The following STK31 variants were observed in gnomAD, a reference collection of about 807,000 sequenced individuals.
STK31 encodes the protein serine/threonine-protein kinase 31.
STK31 carries 89 observed loss-of-function variants against 129.7 expected under a neutral mutation model. The ratio of observed to expected loss-of-function variants is 0.69; its 90% CI spans 0.58 to 0.82. The LOEUF (loss-of-function observed/expected upper bound fraction) is 0.82, where lower values mean the gene tolerates loss of function less well. Ranked by LOEUF, STK31 falls within the 40% of genes least tolerant of loss-of-function variation. The pLI, the probability that STK31 is intolerant of heterozygous loss-of-function variation, is 0.00. For missense variants in STK31, 1,187 were observed against 1,176.4 expected (o/e 1.01, Z -0.13); for synonymous variants, 448 against 395.3 (o/e 1.13, Z -1.58).
At chr7:23,714,023 A>G (rs994526798) in intron 3 of STK31, among the ~76,000 whole-genome samples, 2 of 152,130 alleles carry the variant, frequency 1.3e-5, no homozygotes, top group Admixed American at 6.5e-5. Flanking sequence ...GCATTGTTCT[A>G]TGATGTTACA....
intron 22 of STK31, among the ~76,000 whole-genome samples, chr7:23,795,201 G>A (rs1791880554): frequency 6.6e-6 from 1 of 152,232 alleles, no homozygotes; most frequent in African/African-American, 2.4e-5. Flanking sequence ...TCCCCCTGCT[G>A]TGTGCAGCCT....
At chr7:23,780,547 AC>A (rs1220970229) in intron 15 of STK31, among the ~76,000 whole-genome samples, 1 of 152,174 alleles carries the variant, frequency 6.6e-6, no homozygotes. Context: ...ATCCTTGATC[AC>A]CTTTCAGCAA....
intron 15 of STK31, among the ~76,000 whole-genome samples, chr7:23,775,997 C>T (rs1321365525): frequency 1.3e-5 from 2 of 152,052 alleles, no homozygotes; most frequent in African/African-American, 4.8e-5. Flanking sequence ...TTTTGAGATG[C>T]ATTCCATCAG....
chr7:23,824,563 C>T (rs1793994410), intron 23 of STK31, among the ~76,000 whole-genome samples: 1 of 152,194 alleles, frequency 6.6e-6, no homozygotes, highest in African/African-American at 2.4e-5. Context: ...ATTGGACTTC[C>T]TCTTTTCCTA....
intron 6 of STK31, among the ~76,000 whole-genome samples, chr7:23,731,115 T>C (rs1360738320): frequency 1.3e-5 from 2 of 151,622 alleles, no homozygotes; most frequent in Non-Finnish European, 2.9e-5. Flanking sequence ...AACTCCTGAC[T>C]TCAAGAGATC....
rs762032548 is a variant in STK31, at chr7:23,771,115, C to T, written c.1824C>T (p.Asp608=). 6.2e-7 allele frequency: 1 copy of T among 1,604,984 alleles called. No homozygotes were observed. The change falls in exon 14 of 24, where the codon GAC becomes GAT. Residue 608 remains aspartate, a synonymous_variant. Transcript: ENST00000355870. Reference sequence around the variant, plus strand: ...CCACAGTACAAGCTAAGTACAAGGACAGTATTGAGGTTTGATTGTGCTTTC... The same window carrying T: ...CCACAGTACAAGCTAAGTACAAGGATAGTATTGAGGTTTGATTGTGCTTTC... ...LIATVQAKYK[D]SIEFKKQLIE...
At position 23,832,472 on chromosome 7, in the gene STK31, A is replaced by G. The variant is rs1794621933; in HGVS notation, c.*106A>G. 5 of 799,746 alleles carry G rather than the reference A, an allele frequency of 6.3e-6. No individual in the cohort carries two copies. In the East Asian group the frequency reaches 7.4e-5, roughly 12 times the overall value. The allele number at this position is 799,746 out of a possible 1,614,324, so 49.5% of individuals were successfully genotyped here. A position where few individuals can be genotyped will look rare whatever the true frequency, so the allele number is the denominator to read the frequency against. Reference sequence around the variant, plus strand: ...GGACTAGTTGAGTTGTATCTTTAGTATTCAGGTTGTGAAAAATAAAGATGT... The same window carrying G: ...GGACTAGTTGAGTTGTATCTTTAGTGTTCAGGTTGTGAAAAATAAAGATGT... On this transcript the variant is annotated 3_prime_UTR_variant, in exon 24 of 24. Coordinates refer to ENST00000355870, the MANE Select transcript of STK31 (RefSeq NM_031414.5).
At chr7:23,805,287 G>A (rs1792631803) in intron 22 of STK31, among the ~76,000 whole-genome samples, 1 of 152,038 alleles carries the variant, frequency 6.6e-6, no homozygotes, top group South Asian at 2.1e-4. Context: ...TCTTGCTCAG[G>A]CTGGTCTCGA....
chr7:23,776,580 T>C (rs1347956353), intron 15 of STK31, among the ~76,000 whole-genome samples: 4 of 152,324 alleles, frequency 2.6e-5, no homozygotes, highest in African/African-American at 7.2e-5. Context: ...TGTCCAGGAA[T>C]TTTTCCATTT....
intron 12 of STK31, among the ~76,000 whole-genome samples, 156 bp from the exon 13 acceptor site, chr7:23,769,484 C>A (rs1401923092): frequency 2.0e-5 from 3 of 152,032 alleles, no homozygotes; most frequent in Non-Finnish European, 4.4e-5. Flanking sequence ...CCTTTCAGTG[C>A]ATAAATTTTA....
intron 22 of STK31, chr7:23,811,568 C>T (rs1793132992): frequency 1.4e-5 from 3 of 207,814 alleles, no homozygotes; most frequent in South Asian, 1.0e-4. Context: ...CTTCCTCTCC[C>T]CCTCCAGGCA....
chr7:23,721,376 C>G, intron 4 of STK31: 2 of 965,416 alleles, frequency 2.1e-6, no homozygotes, highest in South Asian at 2.8e-5. Context: ...TGATTTTTTT[C>G]TCAGTAAATT....
chr7:23,785,622 T>C lies in STK31; in HGVS notation c.2274+19T>C. On this transcript the variant is annotated intron_variant, in intron 18 of 23. Coordinates refer to ENST00000355870, the MANE Select transcript of STK31 (RefSeq NM_031414.5). ...GTTAAAGGTAAGTCTAACTTCTTCT[T>C]ACTTGTGGGAGATTCAGCAGCATAA... 6.2e-7 allele frequency: 1 copy of C among 1,604,760 alleles called. No individual in the cohort carries two copies. Among genetic ancestry groups the C allele is most frequent in the Non-Finnish European group, 8.5e-7 (1 of 1,173,558 alleles).
At chr7:23,831,080 T>C (rs550874302) in intron 23 of STK31, among the ~76,000 whole-genome samples, 1 of 152,358 alleles carries the variant, frequency 6.6e-6, no homozygotes, top group East Asian at 1.9e-4. Context: ...TTCCATATGC[T>C]TATGAGAAGT....
At chr7:23,798,464 A>G (rs1231846748) in intron 22 of STK31, among the ~76,000 whole-genome samples, 4 of 112,858 alleles carry the variant, frequency 3.5e-5, no homozygotes, top group South Asian at 3.1e-4. Context: ...ATCAGTAAAC[A>G]TAATGCATCA....
At chr7:23,817,962 A>G (rs977761389) in intron 23 of STK31, among the ~76,000 whole-genome samples, 2 of 149,976 alleles carry the variant, frequency 1.3e-5, no homozygotes, top group African/African-American at 4.9e-5. Context: ...TCTGTTGTCT[A>G]TTTTCTTACT....
intron 23 of STK31, among the ~76,000 whole-genome samples, chr7:23,822,354 C>T (rs1793834500): frequency 6.6e-6 from 1 of 152,030 alleles, no homozygotes; most frequent in South Asian, 2.1e-4. Flanking sequence ...TTCCACCTCT[C>T]TGTTTAAATT....
At chr7:23,718,281 T>G (rs527289041) in intron 4 of STK31, among the ~76,000 whole-genome samples, 1 of 152,312 alleles carries the variant, frequency 6.6e-6, no homozygotes, top group East Asian at 1.9e-4. Flanking sequence ...TTGACTTTGA[T>G]TCACAAAAAA....
chr7:23,728,463 C>A (rs1787217427), intron 5 of STK31, among the ~76,000 whole-genome samples: 1 of 152,056 alleles, frequency 6.6e-6, no homozygotes, highest in Non-Finnish European at 1.5e-5. Context: ...ATGGAACTTT[C>A]TAATTGACCT....
Sources: gnomAD v4.1 joint callset for allele counts (sites outside exome capture counted in the v4.1 genomes callset) on GRCh38, gnomAD v4.1.1 for gene constraint, MANE v1.5 for transcripts, NCBI Gene and HGNC (gene_info 2026-07-23, HGNC 2026-07-21) for gene names.